Variants in PDE6B observed in about 807,000 individuals in gnomAD.
PDE6B encodes rod cGMP-specific 3',5'-cyclic phosphodiesterase subunit beta.
A neutral mutation model predicts 109.0 loss-of-function variants in PDE6B; 106 were observed. That is an observed-to-expected ratio of 0.97 (90% CI 0.83 to 1.14). PDE6B has a LOEUF of 1.14. Ranked by LOEUF, PDE6B falls within the 50% of genes most tolerant of loss-of-function variation. The pLI is 0.00. For missense variants in PDE6B, 1,193 were observed against 1,155.6 expected (o/e 1.03, Z -0.47); for synonymous variants, 490 against 471.3 (o/e 1.04, Z -0.51).
intron 6 of PDE6B, chr4:655,653 G>A: frequency 1.9e-6 from 1 of 533,792 alleles, no homozygotes; most frequent in East Asian, 3.3e-5. Context: ...CTGGCACTCA[G>A]AGAAGAGAGT....
At chr4:653,452 C>T (rs897618752) in intron 3 of PDE6B, 1 of 701,288 alleles carries the variant, frequency 1.4e-6, no homozygotes, top group African/African-American at 1.9e-5. Context: ...TGGCGGAGGC[C>T]ACAGGCGGCC....
rs1454791525 is a variant in PDE6B at position 648,769 on chromosome 4, G to A, written c.712-5083G>A. Among the ~76,000 whole-genome samples the A allele has an allele frequency of 1.3e-5, 2 of 152,272 alleles. No individual in the cohort carries two copies. Among genetic ancestry groups the A allele is most frequent in the African/African-American group, 4.8e-5 (2 of 41,476 alleles). ...TTCTCACCGCCCAGCTGTCTGAGCT[G>A]CAGCAAAGCTGCATGAAAGGCCTGT... On this transcript the variant is annotated intron_variant, in intron 3 of 21. Transcript: ENST00000496514. This position sits in a 1 kb window ranked among gnomAD's most constrained non-coding sequence, Gnocchi z 4.5.
intron 1 of PDE6B, among the ~76,000 whole-genome samples, chr4:631,362 C>T (rs932460132): frequency 1.3e-5 from 2 of 152,248 alleles, no homozygotes; most frequent in African/African-American, 4.8e-5. Flanking sequence ...CAACCATAGC[C>T]TGTGTGACTA....
In PDE6B at chr4:665,840, C is replaced by T. The variant is rs1404174385; in HGVS notation, c.2268+511C>T. On this transcript the variant is annotated intron_variant, in intron 19 of 21. Coordinates refer to ENST00000496514, the MANE Select transcript of PDE6B (RefSeq NM_000283.4). The surrounding 1 kb of genome is among the most constrained non-coding windows in gnomAD (Gnocchi z 4.0). Reference sequence around the variant, plus strand: ...AGGAGAGGCAGGGCTGCCCCAGCCCCACGTGGACCAGGTGGGAGCTGTGGT... The same window carrying T: ...AGGAGAGGCAGGGCTGCCCCAGCCCTACGTGGACCAGGTGGGAGCTGTGGT... 6.6e-6 allele frequency among the ~76,000 whole-genome samples: 1 copy of T among 152,066 alleles called. No homozygotes were observed. Among genetic ancestry groups the T allele is most frequent in the African/African-American group, 2.4e-5 (1 of 41,394 alleles).
chr4:629,064 TC>T (rs1485334852), intron 1 of PDE6B, among the ~76,000 whole-genome samples: 1 of 151,710 alleles, frequency 6.6e-6, no homozygotes, highest in African/African-American at 2.4e-5. Flanking sequence ...CCCCCCTCCA[TC>T]CCTCCCAACA....
intron 2 of PDE6B, 151 bp downstream of exon 2, chr4:634,980 CGCGTGTTCTGTGCTGCGTGTCT>C (rs1560104430): frequency 1.6e-6 from 1 of 635,378 alleles, no homozygotes; most frequent in East Asian, 2.9e-5. Context: ...CCTGCCTGCC[CGCGTGTTCTGTGCTGCGTGTCT>C]GCCTCCTTAC....
chr4:656,983 A>G lies in PDE6B; in HGVS notation c.1217A>G (p.Asp406Gly). 2 of 1,613,312 alleles carry G rather than the reference A, an allele frequency of 1.2e-6. No homozygotes were observed. Among genetic ancestry groups the G allele is most frequent in the South Asian group, 2.2e-5 (2 of 91,082 alleles). ...VGVATFYNRK[D>G]GKPFDEQDEV... ...GTCGCCACATTTTACAACAGGAAAG[A>G]CGGGAAGCCCTTTGACGAACAGGAC... Residue 406 changes from aspartate to glycine, a missense_variant, in exon 9 of 22, where the codon GAC becomes GGC. Coordinates refer to ENST00000496514, the MANE Select transcript of PDE6B (RefSeq NM_000283.4).
chr4:664,181 G>C lies in PDE6B; in HGVS notation c.2089G>C (p.Glu697Gln), dbSNP rs766706231. The C allele has an allele frequency of 9.3e-6, 15 of 1,611,596 alleles. No homozygotes were observed. In the South Asian group the frequency reaches 1.3e-4, roughly 14 times the overall value. ...KNYQDKKSWV[E>Q]YLSLETTRKE... ...CTACCAGGACAAGAAGAGCTGGGTG[G>C]AGTACCTGTCCCTGGAGACGACCCG... Residue 697 changes from glutamate to glutamine, a missense_variant, in exon 17 of 22, where the codon GAG becomes CAG. Transcript: ENST00000496514.
At chr4:651,114 C>T (rs946058429) in intron 3 of PDE6B, among the ~76,000 whole-genome samples, 2 of 143,848 alleles carry the variant, frequency 1.4e-5, no homozygotes, top group Admixed American at 6.9e-5. Flanking sequence ...GCTGAGGTGG[C>T]GATGTCAACA....
At position 655,027 on chromosome 4, in the gene PDE6B, G is replaced by C. The variant is rs961252402; in HGVS notation, c.992+139G>C. 27 of 706,670 alleles carry C rather than the reference G, an allele frequency of 3.8e-5. No individual in the cohort carries two copies. The African/African-American group carries it at 4.2e-4, about 11-fold the overall frequency. 43.8% of individuals were successfully genotyped at this position (706,670 alleles called of 1,614,324 possible). A position where few individuals can be genotyped will look rare whatever the true frequency, so the allele number is the denominator to read the frequency against. On this transcript the variant is annotated intron_variant, in intron 6 of 21. Coordinates refer to ENST00000496514, the MANE Select transcript of PDE6B (RefSeq NM_000283.4). ...GGCCTGGCCTGGCCCCACCTGTGGT[G>C]CTCTGTGTGCCGTGGGGCATAGTGG...
At position 665,258 on chromosome 4, in the gene PDE6B, G is replaced by A. The variant is rs367879245; in HGVS notation, c.2197G>A (p.Ala733Thr). 3.0e-5 allele frequency: 49 copies of A among 1,610,470 alleles called. No homozygotes were observed. Among genetic ancestry groups the A allele is most frequent in the African/African-American group, 6.7e-5 (5 of 74,858 alleles). ...AGCTGCCTTCCTGTGCCTCCAGGTCGCACTTCTCGTGGCTGCTGAGTTCTG... is the reference window on the plus strand; with the variant it reads ...AGCTGCCTTCCTGTGCCTCCAGGTCACACTTCTCGTGGCTGCTGAGTTCTG... Reference protein sequence around the residue: ...TKPWEVQSKVALLVAAEFWEQ... With the variant: ...TKPWEVQSKVTLLVAAEFWEQ... Residue 733 changes from alanine (A) to threonine (T), a missense_variant, in exon 19 of 22, where the codon GCA becomes ACA. Coordinates refer to ENST00000496514, the MANE Select transcript of PDE6B (RefSeq NM_000283.4). This position sits in a 1 kb window ranked among gnomAD's most constrained non-coding sequence, Gnocchi z 4.0.
At chr4:660,888 T>TAGGA (rs1245087711) in intron 12 of PDE6B, among the ~76,000 whole-genome samples, 4 of 147,842 alleles carry the variant, frequency 2.7e-5, no homozygotes, top group Non-Finnish European at 4.5e-5. Flanking sequence ...GGAGGGAGGT[T>TAGGA]AGGAAGGAAG....
At chr4:661,091 A>ATGGTAGT in intron 12 of PDE6B, 3 of 34,868 alleles carry the variant, frequency 8.6e-5, no homozygotes, top group South Asian at 8.7e-4. Context: ...GGATAGGTGG[A>ATGGTAGT]TGGATGGAGA....
chr4:654,390 C>G (rs73792335), intron 5 of PDE6B: 1 of 652,886 alleles, frequency 1.5e-6, no homozygotes, highest in Non-Finnish European at 2.8e-6. Flanking sequence ...TGAAGACCCA[C>G]GTCGGCTCTG....
In PDE6B at chr4:662,452, C is replaced by A; in HGVS notation, c.1723-57C>A. On this transcript the variant is annotated intron_variant, in intron 13 of 21. Transcript: ENST00000496514. This position sits in a 1 kb window ranked among gnomAD's most constrained non-coding sequence, Gnocchi z 4.3. ...ACGCCTAGGTCATCCCAACCCCTCA[C>A]CACTCCCCACCCTGCTGGAGCCAGG... 2 of 1,252,030 alleles carry A rather than the reference C, an allele frequency of 1.6e-6. No individual in the cohort carries two copies. The highest frequency in any genetic ancestry group is 1.2e-5 in the South Asian group (1 of 83,668). The allele number at this position is 1,252,030 out of a possible 1,614,324, so 77.6% of individuals were successfully genotyped here.
intron 1 of PDE6B, among the ~76,000 whole-genome samples, chr4:631,820 C>T (rs1734400414): frequency 6.7e-6 from 1 of 148,352 alleles, no homozygotes; most frequent in Admixed American, 6.7e-5. Context: ...TCATGAGGGT[C>T]ACGTTGTGTG....
chr4:628,009 A>G lies in PDE6B; in HGVS notation c.468+1915A>G, dbSNP rs1476190971. 4.6e-5 allele frequency among the ~76,000 whole-genome samples: 7 copies of G among 151,964 alleles called. No homozygotes were observed. The East Asian group carries it at 9.7e-4, about 21-fold the overall frequency. Reference sequence around the variant, plus strand: ...CCAGTGCCATGGCCGCACCTGCCCCAGGACTGACCTCCGAGGCCTCTCCCC... The same window carrying G: ...CCAGTGCCATGGCCGCACCTGCCCCGGGACTGACCTCCGAGGCCTCTCCCC... On this transcript the variant is annotated intron_variant, in intron 1 of 21. Transcript: ENST00000496514.
At chr4:644,079 C>A (rs1311288921) in intron 3 of PDE6B, among the ~76,000 whole-genome samples, 3 of 151,566 alleles carry the variant, frequency 2.0e-5, no homozygotes, top group African/African-American at 7.3e-5. Flanking sequence ...CCACCACACC[C>A]AACTAATTTT....
rs182690461 is a variant in PDE6B at position 664,376 on chromosome 4, C to T, written c.2129+155C>T. Among the ~76,000 whole-genome samples, 101 of 152,304 alleles carry T rather than the reference C, an allele frequency of 6.6e-4. 1 individual carries two copies. The highest frequency in any genetic ancestry group is 2.2e-3 in the African/African-American group (91 of 41,562). On this transcript the variant is annotated intron_variant, in intron 17 of 21. Transcript: ENST00000496514. ...AGGGCTGTGAAACAAATGCGCCGTC[C>T]TTATTTCCCCCCAGCTCTCAGGGAG...
Sources: allele counts gnomAD v4.1 joint callset (sites outside exome capture counted in the v4.1 genomes callset), GRCh38; gene constraint gnomAD v4.1.1; non-coding constraint Gnocchi (gnomAD v3.1); transcripts MANE v1.5; gene names NCBI Gene and HGNC (gene_info 2026-07-23, HGNC 2026-07-21).